Variants in SLC4A10 observed in about 807,000 individuals in gnomAD.
The protein encoded by SLC4A10 is solute carrier family 4 member 10.
SLC4A10 carries 42 observed loss-of-function variants against 137.7 expected under a neutral mutation model. The ratio of observed to expected loss-of-function variants is 0.30; its 90% CI spans 0.24 to 0.39. The LOEUF is 0.39. Among genes scored for constraint, SLC4A10 ranks in the 10% least tolerant of loss-of-function variants. The pLI, the probability that SLC4A10 is intolerant of heterozygous loss-of-function variation, is 1.00. For missense variants in SLC4A10, 925 were observed against 1,355.0 expected (o/e 0.68, Z 4.98); for synonymous variants, 474 against 464.1 (o/e 1.02, Z -0.27).
At position 161,819,729 on chromosome 2, in the gene SLC4A10, C is replaced by T. The variant is rs952809774; in HGVS notation, c.277+15134C>T. Among the ~76,000 whole-genome samples, 19 of 152,080 alleles carry T rather than the reference C, an allele frequency of 1.2e-4. 1 individual carries two copies. Among genetic ancestry groups the T allele is most frequent in the Admixed American group, 7.9e-4 (12 of 15,252 alleles). On this transcript the variant is annotated intron_variant, in intron 3 of 26. Transcript: ENST00000446997. ...CAAGCTGGTCTCGAACTCCTGACCT[C>T]GTGATCCACCCGCACCAGCCTCCCA...
At chr2:161,650,870 C>T (rs1193305749) in intron 1 of SLC4A10, among the ~76,000 whole-genome samples, 3 of 152,088 alleles carry the variant, frequency 2.0e-5, no homozygotes, top group Admixed American at 6.5e-5. Flanking sequence ...ACAGCCTGGG[C>T]GCCATGGACA....
intron 1 of SLC4A10, among the ~76,000 whole-genome samples, chr2:161,678,579 A>G (rs527500073): frequency 6.6e-6 from 1 of 152,300 alleles, no homozygotes; most frequent in South Asian, 2.1e-4. Context: ...CAAGGTATAC[A>G]ACTTTTCCAA....
chr2:161,665,930 A>T (rs1312370766), intron 1 of SLC4A10, among the ~76,000 whole-genome samples: 1 of 148,252 alleles, frequency 6.7e-6, no homozygotes, highest in Non-Finnish European at 1.5e-5. Flanking sequence ...CTATATATAG[A>T]CTACATTATA....
intron 1 of SLC4A10, among the ~76,000 whole-genome samples, chr2:161,674,903 G>A (rs1231874605): frequency 6.6e-6 from 1 of 152,076 alleles, no homozygotes; most frequent in African/African-American, 2.4e-5. Flanking sequence ...AGTCCATTCA[G>A]GCATTAAAAA....
At chr2:161,672,110 C>T (rs189030414) in intron 1 of SLC4A10, among the ~76,000 whole-genome samples, 6 of 152,116 alleles carry the variant, frequency 3.9e-5, no homozygotes, top group South Asian at 4.2e-4. Context: ...TACCAAGAAG[C>T]GCAGTTGGGT....
chr2:161,859,663 C>G (rs1168843804), intron 5 of SLC4A10, among the ~76,000 whole-genome samples: 3 of 130,678 alleles, frequency 2.3e-5, no homozygotes, highest in African/African-American at 5.8e-5. Flanking sequence ...TGCAGTGGCG[C>G]AATCTCGGCT....
chr2:161,670,451 T>C (rs1489690356), intron 1 of SLC4A10, among the ~76,000 whole-genome samples: 1 of 152,064 alleles, frequency 6.6e-6, no homozygotes, highest in African/African-American at 2.4e-5. Context: ...CCAGAAAGAA[T>C]GAGGCAAGGG....
intron 2 of SLC4A10, among the ~76,000 whole-genome samples, chr2:161,801,309 C>G (rs1053482739): frequency 4.6e-5 from 7 of 151,968 alleles, no homozygotes; most frequent in African/African-American, 1.7e-4. Flanking sequence ...TCATTTCTGT[C>G]TCTTTATATC....
intron 1 of SLC4A10, among the ~76,000 whole-genome samples, chr2:161,635,129 T>C (rs930445493): frequency 1.3e-5 from 2 of 152,078 alleles, no homozygotes; most frequent in Admixed American, 1.3e-4. Flanking sequence ...GTCTCTCTTT[T>C]ACATTAATAA....
At chr2:161,804,635 G>A (rs777349396) in intron 3 of SLC4A10, 40 bp downstream of exon 3, 16 of 1,539,736 alleles carry the variant, frequency 1.0e-5, no homozygotes, top group South Asian at 8.5e-5. Flanking sequence ...GTTAATTATT[G>A]TAATATACTT....
intron 2 of SLC4A10, among the ~76,000 whole-genome samples, chr2:161,777,846 T>G (rs2052549729): frequency 6.6e-6 from 1 of 152,018 alleles, no homozygotes; most frequent in Non-Finnish European, 1.5e-5. Context: ...TTCTAAGAGC[T>G]TTATAGTTTT....
At position 161,631,589 on chromosome 2, in the gene SLC4A10, A is replaced by G. The variant is rs139685758; in HGVS notation, c.48+7023A>G. On this transcript the variant is annotated intron_variant, in intron 1 of 26. Coordinates refer to ENST00000446997, the MANE Select transcript of SLC4A10 (RefSeq NM_001178015.2). ...CTTCAAAGCTGAGTTAAGAGAATAT[A>G]TGGTGCATTTTATGTACCAGAGAGA... Among the ~76,000 whole-genome samples, 116 of 151,776 alleles carry G rather than the reference A, an allele frequency of 7.6e-4. 1 individual carries two copies. Among genetic ancestry groups the G allele is most frequent in the Admixed American group, 3.2e-3 (49 of 15,198 alleles).
chr2:161,932,465 C>A (rs891101392), intron 15 of SLC4A10, among the ~76,000 whole-genome samples: 1 of 152,194 alleles, frequency 6.6e-6, no homozygotes, highest in African/African-American at 2.4e-5. Context: ...GCACTCATCT[C>A]ATTTCAGACT....
intron 3 of SLC4A10, among the ~76,000 whole-genome samples, chr2:161,835,061 G>A (rs965641379): frequency 4.8e-5 from 7 of 145,728 alleles, no homozygotes; most frequent in East Asian, 4.0e-4. Flanking sequence ...TTTTTGAGAC[G>A]GAGTCTTGCT....
chr2:161,664,765 A>G (rs563071017), intron 1 of SLC4A10, among the ~76,000 whole-genome samples: 1 of 150,976 alleles, frequency 6.6e-6, no homozygotes, highest in Non-Finnish European at 1.5e-5. Flanking sequence ...AGAGAATTAT[A>G]TAGTACCATA....
intron 4 of SLC4A10, among the ~76,000 whole-genome samples, chr2:161,852,764 A>T (rs2059902972): frequency 6.6e-6 from 1 of 152,126 alleles, no homozygotes; most frequent in African/African-American, 2.4e-5. Flanking sequence ...GAAAAACAAA[A>T]TTTTAAAAAA....
intron 19 of SLC4A10, 126 bp from the exon 20 acceptor site, chr2:161,956,863 C>T: frequency 9.6e-7 from 1 of 1,043,386 alleles, no homozygotes; most frequent in East Asian, 2.6e-5. Flanking sequence ...TTAAGAGTTA[C>T]TCCAGGAGAT....
At chr2:161,894,598 T>A in intron 10 of SLC4A10, 81 bp from the exon 11 acceptor site, 1 of 685,536 alleles carries the variant, frequency 1.5e-6, no homozygotes, top group Non-Finnish European at 2.0e-6. Context: ...ACATGTGAGA[T>A]AACTGAGTTG....
intron 3 of SLC4A10, among the ~76,000 whole-genome samples, chr2:161,825,179 C>T (rs1258367784): frequency 6.6e-6 from 1 of 152,104 alleles, no homozygotes; most frequent in Non-Finnish European, 1.5e-5. Context: ...TTGAGGGAGT[C>T]AAAAGTTATA....
Sources: allele counts gnomAD v4.1 joint callset (sites outside exome capture counted in the v4.1 genomes callset), GRCh38; gene constraint gnomAD v4.1.1; transcripts MANE v1.5; gene names NCBI Gene and HGNC (gene_info 2026-07-23, HGNC 2026-07-21).